ADGRG6: variants seen among roughly 807,000 people sequenced by gnomAD.
The protein encoded by ADGRG6 is G-protein coupled receptor 126.
ADGRG6 carries 84 observed loss-of-function variants against 142.4 expected under a neutral mutation model. The observed-to-expected ratio is 0.59, with a 90% CI of 0.49 to 0.71. The LOEUF (loss-of-function observed/expected upper bound fraction) is 0.71. Among genes scored for constraint, ADGRG6 ranks in the 30% least tolerant of loss-of-function variants. The probability of loss-of-function intolerance (pLI) is 0.00; values close to 1 mark genes in which losing one functional copy is unlikely to be tolerated. For synonymous variants in ADGRG6, 521 were observed against 520.5 expected, an observed-to-expected ratio of 1.00 and a Z score of -0.01; for missense variants, 1,367 against 1,466.6, an observed-to-expected ratio of 0.93 and a Z score of 1.11.
chr6:142,341,446 AT>A (rs1356642278), intron 2 of ADGRG6, among the ~76,000 whole-genome samples: 1 of 118,496 alleles, frequency 8.4e-6, no homozygotes, highest in East Asian at 2.1e-4. Context: ...AATTATATAT[AT>A]AGTATATATA....
At chr6:142,326,046 G>A (rs1778761407) in intron 2 of ADGRG6, among the ~76,000 whole-genome samples, 1 of 151,928 alleles carries the variant, frequency 6.6e-6, no homozygotes, top group Admixed American at 6.6e-5. Flanking sequence ...AATACAGGTA[G>A]GTTTAGTATA....
chr6:142,413,590 G>A (rs1209444185), intron 18 of ADGRG6, among the ~76,000 whole-genome samples: 1 of 152,104 alleles, frequency 6.6e-6, no homozygotes, highest in Non-Finnish European at 1.5e-5. Flanking sequence ...TCAAGAATTT[G>A]TGACACATCA....
In ADGRG6 at chr6:142,400,507, A is replaced by G; in HGVS notation, c.1590A>G (p.Glu530=). ...RQLGHCLAME[E]PKGYYWPSIQ... ...TAGGTCATTGTCTTGCCATGGAGGA[A>G]CCCAAAGGCTACTACTGGCCATCTA... Residue 530 remains glutamate (E), a synonymous_variant, in exon 11 of 25, where the codon GAA becomes GAG. Transcript: ENST00000367609. 1 of 1,576,814 alleles carries G rather than the reference A, an allele frequency of 6.3e-7. No homozygotes were observed. Among genetic ancestry groups the G allele is most frequent in the Non-Finnish European group, 8.7e-7 (1 of 1,146,710 alleles).
intron 24 of ADGRG6, among the ~76,000 whole-genome samples, chr6:142,439,395 G>A (rs1777635488): frequency 6.6e-6 from 1 of 152,186 alleles, no homozygotes; most frequent in Admixed American, 6.6e-5. Context: ...GCACAAAGAA[G>A]ATTAATACTT....
intron 2 of ADGRG6, among the ~76,000 whole-genome samples, chr6:142,348,130 G>A (rs1029156399): frequency 2.0e-5 from 3 of 152,096 alleles, no homozygotes; most frequent in African/African-American, 7.2e-5. Flanking sequence ...ATGGTAATGG[G>A]GTGGTGGAAT....
rs138063043 is a variant in ADGRG6 at position 142,386,893 on chromosome 6, G to A, written c.1222+3050G>A. Among the ~76,000 whole-genome samples, 360 of 152,166 alleles carry A rather than the reference G, an allele frequency of 2.4e-3. 1 individual carries two copies. The highest frequency in any genetic ancestry group is 8.1e-3 in the African/African-American group (338 of 41,516). On this transcript the variant is annotated intron_variant, in intron 6 of 24. Coordinates refer to ENST00000367609, the MANE Select transcript of ADGRG6 (RefSeq NM_198569.3). ...ACTGGGACCATGTAGACAGGCCAGTGAATCCAAGGTACACAGCTTTGGGAT... is the reference window on the plus strand; with the variant it reads ...ACTGGGACCATGTAGACAGGCCAGTAAATCCAAGGTACACAGCTTTGGGAT...
At chr6:142,363,136 C>CCATTTAACACCATTTAA (rs1780796674) in intron 2 of ADGRG6, among the ~76,000 whole-genome samples, 2 of 152,210 alleles carry the variant, frequency 1.3e-5, no homozygotes, top group East Asian at 3.9e-4. Context: ...ATTTTGTTCA[C>CCATTTAACACCATTTAA]CATTTAACAC....
chr6:142,397,731 C>T lies in ADGRG6; in HGVS notation c.1543C>T (p.His515Tyr). Residue 515 changes from histidine to tyrosine, a missense_variant, in exon 10 of 25, where the codon CAT becomes TAT. Transcript: ENST00000367609. ...GTCCTTGGATGAAGGCTTGAGGCTA[C>T]ATACAGTGAATGTGAGACAACTGGG... ...NESLDEGLRL[H>Y]TVNVRQLGHC... The T allele has an allele frequency of 6.3e-7, 1 of 1,589,892 alleles. No homozygotes were observed. The highest frequency in any genetic ancestry group is 8.5e-7 in the Non-Finnish European group (1 of 1,171,094).
intron 2 of ADGRG6, among the ~76,000 whole-genome samples, chr6:142,329,143 A>G (rs1299773518): frequency 6.6e-6 from 1 of 152,164 alleles, no homozygotes; most frequent in Non-Finnish European, 1.5e-5. Context: ...AAATAAGTAA[A>G]ATGTTAGCTA....
At chr6:142,387,737 G>A (rs1782102549) in intron 6 of ADGRG6, among the ~76,000 whole-genome samples, 1 of 152,134 alleles carries the variant, frequency 6.6e-6, no homozygotes, top group Admixed American at 6.6e-5. Flanking sequence ...GATAAAAAAG[G>A]GAAAGATTAA....
At chr6:142,411,468 C>CCAAAA (rs1776082044) in intron 18 of ADGRG6, 57 bp downstream of exon 18, 1 of 841,122 alleles carries the variant, frequency 1.2e-6, no homozygotes, top group Non-Finnish European at 2.1e-6. Flanking sequence ...ATGGCATACT[C>CCAAAA]CTTTTTTGTA....
chr6:142,411,547 T>A (rs931456823), intron 18 of ADGRG6, 136 bp downstream of exon 18: 6 of 577,044 alleles, frequency 1.0e-5, no homozygotes, highest in Admixed American at 2.8e-5. Flanking sequence ...GAATCTTAAT[T>A]CTTAATAAAG....
At chr6:142,442,904 T>A (rs1777826413) in intron 24 of ADGRG6, among the ~76,000 whole-genome samples, 1 of 152,090 alleles carries the variant, frequency 6.6e-6, no homozygotes, top group South Asian at 2.1e-4. Context: ...TTATAGCCAG[T>A]TATACACCCC....
intron 2 of ADGRG6, among the ~76,000 whole-genome samples, chr6:142,327,326 C>T (rs1450368031): frequency 2.0e-5 from 3 of 151,898 alleles, no homozygotes; most frequent in African/African-American, 7.3e-5. Context: ...CAGCAACTTT[C>T]TGTGTAAACT....
chr6:142,320,433 A>G (rs570725713), intron 2 of ADGRG6, among the ~76,000 whole-genome samples: 3 of 152,240 alleles, frequency 2.0e-5, no homozygotes, highest in Middle Eastern at 3.4e-3. Context: ...ATTGCTTTTG[A>G]TATCAATAGC....
rs561847773 is a variant in ADGRG6 at position 142,317,629 on chromosome 6, C to T, written c.103+7985C>T. ...ATGTCATTGTAATATTATAAATGAG[C>T]GGTGTGTGTGTATTTGGGTGTATAT... On this transcript the variant is annotated intron_variant, in intron 2 of 24. Coordinates refer to ENST00000367609, the MANE Select transcript of ADGRG6 (RefSeq NM_198569.3). Among the ~76,000 whole-genome samples, 266 of 141,808 alleles carry T rather than the reference C, an allele frequency of 1.9e-3. 2 individuals carry two copies. The highest frequency in any genetic ancestry group is 3.4e-3 in the South Asian group (16 of 4,688). The allele number at this position is 141,808 out of a possible 152,430, so 93.0% of individuals were successfully genotyped here.
intron 2 of ADGRG6, among the ~76,000 whole-genome samples, chr6:142,317,019 A>G (rs1243317807): frequency 6.6e-6 from 1 of 152,088 alleles, no homozygotes; most frequent in Non-Finnish European, 1.5e-5. Context: ...GCAGCTCAAG[A>G]CCACAAACAT....
At position 142,445,952 on chromosome 6, in the gene ADGRG6, G is replaced by GT. The variant is rs760544757; in HGVS notation, c.*2439dup. On this transcript the variant is annotated 3_prime_UTR_variant, in exon 25 of 25. Coordinates refer to ENST00000367609, the MANE Select transcript of ADGRG6 (RefSeq NM_198569.3). ...TGCATTGTAAAGATTTTCTTTGTCT[G>GT]TTGTTGGCATAGATTCTTTTGTACA... 6.6e-5 allele frequency: 10 copies of GT among 152,342 alleles called. No homozygotes were observed. In the South Asian group the frequency reaches 2.1e-3, roughly 32 times the overall value. 9.4% of individuals were successfully genotyped at this position (152,342 alleles called of 1,614,324 possible).
chr6:142,417,979 T>A, intron 21 of ADGRG6, among the ~76,000 whole-genome samples: 1 of 152,138 alleles, frequency 6.6e-6, no homozygotes, highest in East Asian at 1.9e-4. Context: ...GCCACATATC[T>A]ATGCATATCT....
Sources: gnomAD v4.1 joint callset for allele counts (sites outside exome capture counted in the v4.1 genomes callset) on GRCh38, gnomAD v4.1.1 for gene constraint, MANE v1.5 for transcripts, NCBI Gene and HGNC (gene_info 2026-07-23, HGNC 2026-07-21) for gene names.